The following KCNN2 variants were observed in gnomAD, a reference collection of about 807,000 sequenced individuals.
The protein encoded by KCNN2 is potassium calcium-activated channel subfamily N member 2.
Under a neutral mutation model 55.5 loss-of-function variants are expected in KCNN2, and 24 were observed. The ratio of observed to expected loss-of-function variants is 0.43; its 90% CI spans 0.31 to 0.61. The LOEUF is 0.61. Among genes scored for constraint, KCNN2 ranks in the 20% least tolerant of loss-of-function variants. The pLI is 0.08. For missense variants in KCNN2, 754 were observed against 853.6 expected (o/e 0.88, Z 1.45); for synonymous variants, 431 against 336.1 (o/e 1.28, Z -3.09).
chr5:114,232,685 C>T (rs1049447136), intron 2 of KCNN2, among the ~76,000 whole-genome samples: 1 of 150,768 alleles, frequency 6.6e-6, no homozygotes, highest in Non-Finnish European at 1.5e-5. Context: ...TCTTCTCTAG[C>T]TTAAAAAGTA....
intron 2 of KCNN2, among the ~76,000 whole-genome samples, chr5:114,228,770 C>T (rs951737790): frequency 1.3e-5 from 2 of 152,028 alleles, no homozygotes; most frequent in African/African-American, 4.8e-5. Flanking sequence ...CAATCACATA[C>T]ATGATTTTTT....
intron 1 of KCNN2, among the ~76,000 whole-genome samples, chr5:114,066,605 C>T (rs573679075): frequency 2.0e-5 from 3 of 152,280 alleles, no homozygotes; most frequent in East Asian, 1.9e-4. Flanking sequence ...GACGAAATCT[C>T]GCTCTGTCTC....
chr5:114,225,494 A>G (rs1200014002), intron 2 of KCNN2, among the ~76,000 whole-genome samples: 1 of 152,202 alleles, frequency 6.6e-6, no homozygotes, highest in Admixed American at 6.5e-5. Flanking sequence ...ACAAGTCACC[A>G]GTGGATTAAG....
At chr5:114,429,665 AG>A (rs1416963038) in intron 3 of KCNN2, among the ~76,000 whole-genome samples, 9 of 152,150 alleles carry the variant, frequency 5.9e-5, no homozygotes, top group African/African-American at 2.2e-4. Flanking sequence ...GTATCTAAAA[AG>A]TTCTTGGCAA....
chr5:114,065,252 C>G (rs1561460449), intron 1 of KCNN2, among the ~76,000 whole-genome samples: 3 of 152,186 alleles, frequency 2.0e-5, no homozygotes, highest in African/African-American at 7.2e-5. Context: ...TCTCCTGTTT[C>G]ATTTCCTATT....
chr5:114,364,091 C>T (rs1295848289), intron 2 of KCNN2, 90 bp downstream of exon 2: 10 of 903,772 alleles, frequency 1.1e-5, no homozygotes, highest in South Asian at 8.5e-5. Context: ...TTCAAGCCAT[C>T]ATGTCCTTGC....
Position 114,164,404 on chromosome 5 carries a change from A to G in KCNN2, c.-270-57076A>G, listed in dbSNP as rs965667418. 2.6e-5 allele frequency among the ~76,000 whole-genome samples: 4 copies of G among 152,200 alleles called. 1 individual carries two copies. The highest frequency in any genetic ancestry group is 2.0e-4 in the Admixed American group (3 of 15,266). On this transcript the variant is annotated intron_variant, in intron 1 of 10. Transcript: ENST00000512097. The stretch of plus-strand genomic sequence containing the variant: ...TTTTAAAATTAAAGTGAAGTGCTGT[A>G]GTCATTCCCATAAAAAATTTAAACT...
At chr5:114,130,050 C>A (rs1410097312) in intron 1 of KCNN2, among the ~76,000 whole-genome samples, 1 of 152,166 alleles carries the variant, frequency 6.6e-6, no homozygotes, top group Non-Finnish European at 1.5e-5. Flanking sequence ...TAAGACATAA[C>A]CTCATCCTAT....
At chr5:114,403,537 C>T (rs1179207609) in intron 2 of KCNN2, among the ~76,000 whole-genome samples, 1 of 152,098 alleles carries the variant, frequency 6.6e-6, no homozygotes, top group African/African-American at 2.4e-5. Context: ...TGTCAGTATC[C>T]CTTGCAAGTC....
At chr5:114,268,136 T>C (rs182439640) in intron 2 of KCNN2, among the ~76,000 whole-genome samples, 168 of 152,340 alleles carry the variant, frequency 1.1e-3, no homozygotes, top group African/African-American at 3.8e-3. Context: ...AGCTCATGCA[T>C]TCTGGTAAAC....
At chr5:114,165,106 C>T (rs1752881402) in intron 1 of KCNN2, among the ~76,000 whole-genome samples, 1 of 152,138 alleles carries the variant, frequency 6.6e-6, no homozygotes, top group South Asian at 2.1e-4. Flanking sequence ...TGTTCTTAAC[C>T]ACTGTTATAA....
intron 1 of KCNN2, among the ~76,000 whole-genome samples, chr5:114,160,424 T>C (rs377728474): frequency 8.5e-5 from 13 of 152,266 alleles, no homozygotes; most frequent in Admixed American, 4.6e-4. Flanking sequence ...TTACTTCCAA[T>C]TATGTGGTCA....
intron 3 of KCNN2, among the ~76,000 whole-genome samples, chr5:114,435,898 A>G (rs1759987960): frequency 6.6e-6 from 1 of 152,236 alleles, no homozygotes; most frequent in Non-Finnish European, 1.5e-5. Context: ...AGATAAGTTA[A>G]TGAGCATTTG....
intron 3 of KCNN2, among the ~76,000 whole-genome samples, chr5:114,406,398 AT>A (rs1264118446): frequency 6.6e-6 from 1 of 151,290 alleles, no homozygotes; most frequent in East Asian, 1.9e-4. Flanking sequence ...CAAAAAAGTG[AT>A]TTTTATCTCC....
At chr5:114,227,084 T>G (rs1267218888) in intron 2 of KCNN2, among the ~76,000 whole-genome samples, 1 of 152,206 alleles carries the variant, frequency 6.6e-6, no homozygotes, top group Non-Finnish European at 1.5e-5. Flanking sequence ...AATTCACTCG[T>G]AATTCTTATT....
At chr5:114,347,938 A>C (rs1757140739) in intron 2 of KCNN2, among the ~76,000 whole-genome samples, 1 of 152,158 alleles carries the variant, frequency 6.6e-6, no homozygotes. Flanking sequence ...TGAAGTGAGC[A>C]CTCAGGTAAG....
chr5:114,363,175 C>T lies in KCNN2; in HGVS notation c.1036C>T (p.Leu346Phe). 6.2e-7 allele frequency: 1 copy of T among 1,613,492 alleles called. No individual in the cohort carries two copies. The highest frequency in any genetic ancestry group is 8.5e-7 in the Non-Finnish European group (1 of 1,180,030). The change falls in exon 1 of 8, where the codon CTC (leucine) becomes TTC (phenylalanine). Residue 346 changes from leucine (L) to phenylalanine (F), a missense_variant. This residue lies in a region of KCNN2 where 123 missense variants were observed against 204.9 expected (regional missense o/e 0.60). Transcript: ENST00000673685. ...CGCCCTGTTCGAAAAGCGCAAGCGG[C>T]TCAGCGACTACGCGCTCATCTTCGG... is the stretch of plus-strand genomic sequence containing the variant. ...RRALFEKRKR[L>F]SDYALIFGMF...
chr5:114,263,161 A>G (rs1755143024), intron 2 of KCNN2, among the ~76,000 whole-genome samples: 1 of 152,040 alleles, frequency 6.6e-6, no homozygotes, highest in African/African-American at 2.4e-5. Flanking sequence ...GTTGGCAGAA[A>G]GCTGAAAAAG....
At chr5:114,390,790 C>A (rs1397699477) in intron 2 of KCNN2, among the ~76,000 whole-genome samples, 1 of 152,090 alleles carries the variant, frequency 6.6e-6, no homozygotes, top group Non-Finnish European at 1.5e-5. Flanking sequence ...CAGAGAAGTT[C>A]AAAAGTGATT....
Sources: allele counts gnomAD v4.1 joint callset (sites outside exome capture counted in the v4.1 genomes callset), GRCh38; gene constraint gnomAD v4.1.1; regional missense constraint gnomAD v4.1.1; transcripts MANE v1.5; gene names NCBI Gene and HGNC (gene_info 2026-07-23, HGNC 2026-07-21).